Variants in PLEKHA7 observed in about 807,000 individuals in gnomAD.
PLEKHA7 encodes pleckstrin homology domain containing A7.
In PLEKHA7, 104 loss-of-function variants were observed where a neutral mutation model predicts 170.0. The ratio of observed to expected loss-of-function variants is 0.61; its 90% CI spans 0.52 to 0.72. PLEKHA7 has a LOEUF of 0.72. Among genes scored for constraint, PLEKHA7 ranks in the 30% least tolerant of loss-of-function variants. PLEKHA7 has a pLI of 0.00. For missense variants in PLEKHA7, 1,615 were observed against 1,671.7 expected, an observed-to-expected ratio of 0.97 and a Z score of 0.59; for synonymous variants, 648 against 660.8, an observed-to-expected ratio of 0.98 and a Z score of 0.30.
intron 17 of PLEKHA7, chr11:16,795,337 G>A (rs1590143700): frequency 3.4e-6 from 1 of 290,050 alleles, no homozygotes; most frequent in East Asian, 7.5e-5. Context: ...CAATTTCGTA[G>A]AGACAGGAAG....
In PLEKHA7 at chr11:16,816,907, G is replaced by A. The variant is rs1460657664; in HGVS notation, c.1759C>T (p.Pro587Ser). The A allele has an allele frequency of 6.2e-7, 1 of 1,614,086 alleles. No homozygotes were observed. Among genetic ancestry groups the A allele is most frequent in the Non-Finnish European group, 8.5e-7 (1 of 1,180,012 alleles). Residue 587 changes from proline (P) to serine (S), a missense_variant, in exon 11 of 27, where the codon CCA becomes TCA. Physicochemically the swap from Pro to Ser is moderately conservative, Grantham distance 74. Transcript: ENST00000531066. Reference sequence around the variant, plus strand: ...GTGACTCGCTCTGCTGGTGTGTGTGGCCGCCGGGGTGGGAAGACCCTTGGG... The same window carrying A: ...GTGACTCGCTCTGCTGGTGTGTGTGACCGCCGGGGTGGGAAGACCCTTGGG... ...GPPRVFPPRR[P>S]HTPAERVTVK...
intron 8 of PLEKHA7, among the ~76,000 whole-genome samples, chr11:16,846,342 G>A (rs992170481): frequency 2.0e-5 from 3 of 150,810 alleles, no homozygotes; most frequent in Non-Finnish European, 4.4e-5. Context: ...GAAGAGAAAA[G>A]AAACGAAACT....
intron 3 of PLEKHA7, among the ~76,000 whole-genome samples, chr11:16,965,826 G>A (rs558000854): frequency 6.6e-6 from 1 of 152,290 alleles, no homozygotes; most frequent in Non-Finnish European, 1.5e-5. Context: ...GAGTAAATGA[G>A]AGAGTCCAGA....
chr11:16,905,426 T>C (rs1857595449), intron 3 of PLEKHA7, among the ~76,000 whole-genome samples: 1 of 152,202 alleles, frequency 6.6e-6, no homozygotes, highest in Non-Finnish European at 1.5e-5. Flanking sequence ...AAAGAATTTT[T>C]TTTTAATTCT....
intron 3 of PLEKHA7, among the ~76,000 whole-genome samples, chr11:16,892,635 T>TC (rs1333416958): frequency 6.9e-6 from 1 of 145,794 alleles, no homozygotes; most frequent in Non-Finnish European, 1.5e-5. Context: ...TTTTTTTTTT[T>TC]TTTTTTCGTA....
chr11:16,985,797 GC>G (rs1308976672), intron 3 of PLEKHA7, among the ~76,000 whole-genome samples: 15 of 152,228 alleles, frequency 9.9e-5, no homozygotes, highest in African/African-American at 3.6e-4. Flanking sequence ...AAGAGAGGAT[GC>G]TAGCATGCAA....
At chr11:16,869,848 GTTTAT>G (rs1854686850) in intron 4 of PLEKHA7, among the ~76,000 whole-genome samples, 1 of 152,072 alleles carries the variant, frequency 6.6e-6, no homozygotes, top group East Asian at 1.9e-4. Context: ...AATACTGAGA[GTTTAT>G]TTTAAGATCA....
Position 16,791,375 on chromosome 11 carries a change from A to C in PLEKHA7, c.2746-176T>G. The C allele has an allele frequency of 1.6e-6, 1 of 630,668 alleles. No homozygotes were observed. The highest frequency in any genetic ancestry group is 1.8e-5 in the African/African-American group (1 of 54,572). The allele number at this position is 630,668 out of a possible 1,614,324, so 39.1% of individuals were successfully genotyped here. On this transcript the variant is annotated intron_variant, in intron 19 of 26. Coordinates refer to ENST00000531066, the MANE Select transcript of PLEKHA7 (RefSeq NM_001329630.2). The surrounding 1 kb of genome is among the most constrained non-coding windows in gnomAD (Gnocchi z 4.5). ...CCCCTGGCGGAGCAGTGAAGAAGGG[A>C]CATGCTCTGCTCCTCTATCCCCTCA...
intron 16 of PLEKHA7, 80 bp from the exon 17 acceptor site, chr11:16,801,155 C>A: frequency 8.4e-7 from 1 of 1,185,160 alleles, no homozygotes. Context: ...GTACTCCTGA[C>A]CATGCTGACC....
intron 3 of PLEKHA7, among the ~76,000 whole-genome samples, chr11:16,954,380 T>G (rs1234215689): frequency 6.6e-6 from 1 of 151,544 alleles, no homozygotes; most frequent in East Asian, 2.0e-4. Context: ...CAACAAAAAT[T>G]TAAATTAGCC....
At chr11:16,847,085 TTTTTC>T (rs1565004389) in intron 8 of PLEKHA7, among the ~76,000 whole-genome samples, 3 of 121,112 alleles carry the variant, frequency 2.5e-5, no homozygotes, top group East Asian at 2.7e-4. Flanking sequence ...GAAGTTTTTT[TTTTTC>T]TTTTTTTTTT....
At chr11:16,812,726 C>G (rs918174166) in intron 13 of PLEKHA7, among the ~76,000 whole-genome samples, 3 of 152,172 alleles carry the variant, frequency 2.0e-5, no homozygotes, top group Non-Finnish European at 4.4e-5. Context: ...GCAACAGAAC[C>G]AAAGAACCCA....
At chr11:16,996,369 G>C (rs946658420) in intron 3 of PLEKHA7, among the ~76,000 whole-genome samples, 4 of 152,202 alleles carry the variant, frequency 2.6e-5, no homozygotes, top group Non-Finnish European at 5.9e-5. Flanking sequence ...CATGGAGACA[G>C]TAGACTCTCA....
At chr11:16,900,855 T>TA (rs1051058780) in intron 3 of PLEKHA7, among the ~76,000 whole-genome samples, 5 of 151,918 alleles carry the variant, frequency 3.3e-5, no homozygotes, top group African/African-American at 1.2e-4. Context: ...TTTTTATTTT[T>TA]TTTTTTTTTT....
At chr11:16,888,970 G>A (rs1160764572) in intron 3 of PLEKHA7, among the ~76,000 whole-genome samples, 1 of 63,786 alleles carries the variant, frequency 1.6e-5, no homozygotes. Flanking sequence ...TAGCCAGTGT[G>A]GTGATTGTCA....
intron 3 of PLEKHA7, among the ~76,000 whole-genome samples, chr11:16,980,788 G>A (rs930432058): frequency 1.3e-5 from 2 of 152,278 alleles, no homozygotes; most frequent in South Asian, 2.1e-4. Context: ...GCAGGAGGCT[G>A]AGGCAGGAGA....
chr11:16,915,513 T>A (rs1405492702), intron 3 of PLEKHA7, among the ~76,000 whole-genome samples: 1 of 62,052 alleles, frequency 1.6e-5, no homozygotes, highest in Non-Finnish European at 2.9e-5. Context: ...CCCTCCCCCC[T>A]CCCCCCACCC....
chr11:16,865,450 C>T (rs958461189), intron 4 of PLEKHA7, among the ~76,000 whole-genome samples: 3 of 152,086 alleles, frequency 2.0e-5, no homozygotes, highest in African/African-American at 7.2e-5. Flanking sequence ...CTAGGCCAGG[C>T]GGGTGGCTCA....
intron 26 of PLEKHA7, chr11:16,781,091 T>C: frequency 1.2e-6 from 1 of 838,378 alleles, no homozygotes; most frequent in South Asian, 5.4e-5. Context: ...TGTGTTAGAC[T>C]CCTCATCAGC....
Sources: gnomAD v4.1 joint callset for allele counts (sites outside exome capture counted in the v4.1 genomes callset) on GRCh38, gnomAD v4.1.1 for gene constraint, Gnocchi (gnomAD v3.1) non-coding constraint, MANE v1.5 for transcripts, NCBI Gene and HGNC (gene_info 2026-07-23, HGNC 2026-07-21) for gene names.